SLC13A1: variants seen among roughly 807,000 people sequenced by gnomAD.
SLC13A1 encodes the protein solute carrier family 13 member 1, also known as Na(+)/sulfate cotransporter.
SLC13A1 carries 65 observed loss-of-function variants against 70.0 expected under a neutral mutation model. The observed-to-expected ratio is 0.93, with a 90% CI of 0.76 to 1.14. The LOEUF (loss-of-function observed/expected upper bound fraction) is 1.14. SLC13A1 is among the 50% of genes most tolerant of loss of function. The pLI is 0.00. For missense variants in SLC13A1, 726 were observed against 717.8 expected (o/e 1.01, Z -0.13); for synonymous variants, 275 against 250.5 (o/e 1.10, Z -0.92).
At chr7:123,149,787 C>A (rs1360981321) in intron 6 of SLC13A1, among the ~76,000 whole-genome samples, 2 of 152,172 alleles carry the variant, frequency 1.3e-5, no homozygotes, top group East Asian at 1.9e-4. Context: ...TACAGTCCTT[C>A]AACTGCACTG....
chr7:123,122,197 A>C lies in SLC13A1; in HGVS notation c.1350+929T>G, dbSNP rs1380404229. ...TTGTCAATAAAGTTAGAAGCAAAGG[A>C]GTATCTTCCAATAAGTTATCAAGAA... is the stretch of plus-strand genomic sequence containing the variant. On this transcript the variant is annotated intron_variant, in intron 12 of 14. Transcript: ENST00000194130. Among the ~76,000 whole-genome samples the C allele has an allele frequency of 2.6e-5, 4 of 152,242 alleles. No individual in the cohort carries two copies. The East Asian group carries it at 7.7e-4, about 29-fold the overall frequency.
At chr7:123,171,583 T>C (rs147641390) in intron 3 of SLC13A1, among the ~76,000 whole-genome samples, 185 bp downstream of exon 3, 2 of 151,068 alleles carry the variant, frequency 1.3e-5, no homozygotes, top group East Asian at 3.9e-4. Flanking sequence ...GTGAAAGTTG[T>C]TTTTTTTTCC....
rs147036046 is a variant in SLC13A1, at chr7:123,186,211, GA to G, written c.100-5111del. On this transcript the variant is annotated intron_variant, in intron 1 of 14. Transcript: ENST00000194130. ...AAGAAGAAGAAAAGTATAAGAGATAGAAAAAAAAACAACCATTTTCTTCTTT... is the reference window on the plus strand; with the variant it reads ...AAGAAGAAGAAAAGTATAAGAGATAGAAAAAAAACAACCATTTTCTTCTTT... Among the ~76,000 whole-genome samples, 210 of 149,674 alleles carry G rather than the reference GA, an allele frequency of 1.4e-3. 2 individuals are homozygous for G. The highest frequency in any genetic ancestry group is 4.7e-3 in the African/African-American group (192 of 40,866).
At position 123,169,129 on chromosome 7, in the gene SLC13A1, C is replaced by G; in HGVS notation, c.553+19G>C. 1 of 1,611,156 alleles carries G rather than the reference C, an allele frequency of 6.2e-7. No individual in the cohort carries two copies. The highest frequency in any genetic ancestry group is 8.5e-7 in the Non-Finnish European group (1 of 1,177,720). ...CTCTAATGACTAGACCCCAGATTGG[C>G]CATATCAACATGTGATACCATCAAT... is the stretch of plus-strand genomic sequence containing the variant. On this transcript the variant is annotated intron_variant, in intron 4 of 14. Coordinates refer to ENST00000194130, the MANE Select transcript of SLC13A1 (RefSeq NM_022444.4).
intron 12 of SLC13A1, among the ~76,000 whole-genome samples, chr7:123,121,153 T>C (rs1793367351): frequency 6.6e-6 from 1 of 152,132 alleles, no homozygotes; most frequent in South Asian, 2.1e-4. Flanking sequence ...TCAATTTTGC[T>C]ACAAAGTAAA....
Position 123,171,867 on chromosome 7 carries a change from A to C in SLC13A1, c.266T>G (p.Leu89Arg), listed in dbSNP as rs1795286205. 6.2e-7 allele frequency: 1 copy of C among 1,613,508 alleles called. No homozygotes were observed. The highest frequency in any genetic ancestry group is 8.5e-7 in the Non-Finnish European group (1 of 1,179,586). ...TGTTGCTAAACAGATAACTCCAATT[A>C]GCAGTAAGTGAAAATCCTTGAAATA... ...SAYFKDFHLL[L>R]IGVICLATSI... is the part of the protein sequence containing the mutation. Residue 89 changes from leucine to arginine, a missense_variant, in exon 3 of 15, where the codon CTA (leucine) becomes CGA (arginine). By Grantham distance (102) the Leu-to-Arg change is moderately radical. Coordinates refer to ENST00000194130, the MANE Select transcript of SLC13A1 (RefSeq NM_022444.4).
At chr7:123,183,997 C>T (rs947208408) in intron 1 of SLC13A1, among the ~76,000 whole-genome samples, 14 of 151,580 alleles carry the variant, frequency 9.2e-5, no homozygotes, top group African/African-American at 2.4e-4. Flanking sequence ...CTAGCTAAGG[C>T]ACCATATCTG....
At position 123,186,099 on chromosome 7, in the gene SLC13A1, A is replaced by G. The variant is rs1345989249; in HGVS notation, c.100-4998T>C. Among the ~76,000 whole-genome samples the G allele has an allele frequency of 3.3e-5, 5 of 152,050 alleles. No homozygotes were observed. The East Asian group carries it at 9.7e-4, about 29-fold the overall frequency. On this transcript the variant is annotated intron_variant, in intron 1 of 14. Transcript: ENST00000194130. ...AGCAGAAGGTTAATTCAAACACAAC[A>G]CCAAGTATTTTCTTTTAAAACTATC... is the stretch of plus-strand genomic sequence containing the variant.
intron 13 of SLC13A1, among the ~76,000 whole-genome samples, chr7:123,117,809 C>T (rs939312701): frequency 3.3e-5 from 5 of 151,728 alleles, no homozygotes; most frequent in African/African-American, 1.2e-4. Context: ...GTTACAGATG[C>T]CCACTTAAAC....
At chr7:123,129,279 G>C in intron 9 of SLC13A1, 104 bp downstream of exon 9, 1 of 990,586 alleles carries the variant, frequency 1.0e-6, no homozygotes. Flanking sequence ...GTGCTTGTTT[G>C]CTTTTCAACA....
chr7:123,165,418 G>A (rs1012714086), intron 6 of SLC13A1, among the ~76,000 whole-genome samples: 10 of 151,998 alleles, frequency 6.6e-5, no homozygotes, highest in Non-Finnish European at 1.3e-4. Flanking sequence ...CTATTGAAAG[G>A]TTATTCTTAC....
At chr7:123,161,705 T>C (rs1794908970) in intron 6 of SLC13A1, among the ~76,000 whole-genome samples, 1 of 152,154 alleles carries the variant, frequency 6.6e-6, no homozygotes, top group African/African-American at 2.4e-5. Flanking sequence ...AAATTGTTGC[T>C]ATATTTGGTC....
At chr7:123,131,654 G>A (rs1793765670) in intron 8 of SLC13A1, among the ~76,000 whole-genome samples, 1 of 152,162 alleles carries the variant, frequency 6.6e-6, no homozygotes, top group African/African-American at 2.4e-5. Context: ...CCAGGGGAGC[G>A]GCTGATAATT....
chr7:123,180,181 C>T (rs558101673), intron 2 of SLC13A1, among the ~76,000 whole-genome samples: 86 of 152,048 alleles, frequency 5.7e-4, no homozygotes, highest in African/African-American at 1.9e-3. Flanking sequence ...GGAAGAAGGA[C>T]GTGAAAATAA....
At chr7:123,184,065 C>G (rs1795721515) in intron 1 of SLC13A1, among the ~76,000 whole-genome samples, 2 of 152,036 alleles carry the variant, frequency 1.3e-5, no homozygotes, top group Non-Finnish European at 2.9e-5. Context: ...TTTTTCACAT[C>G]TGAAGAAAAC....
chr7:123,184,394 T>C (rs1290597509), intron 1 of SLC13A1, among the ~76,000 whole-genome samples: 1 of 152,078 alleles, frequency 6.6e-6, no homozygotes, highest in Non-Finnish European at 1.5e-5. Flanking sequence ...ATCTTTTGAC[T>C]AACATCTCTT....
intron 1 of SLC13A1, among the ~76,000 whole-genome samples, chr7:123,189,317 A>T (rs896107758): frequency 2.6e-5 from 4 of 151,974 alleles, no homozygotes; most frequent in Non-Finnish European, 5.9e-5. Flanking sequence ...ATGTTGCTAC[A>T]TATTTTCTAT....
chr7:123,115,416 C>G lies in SLC13A1; in HGVS notation c.*102G>C. On this transcript the variant is annotated 3_prime_UTR_variant, in exon 15 of 15. Transcript: ENST00000194130. ...AGGAATTGCAGCAGCTACACCATAA[C>G]TGATTTAAATGTGTGTCATTAGTTA... 1 of 1,216,948 alleles carries G rather than the reference C, an allele frequency of 8.2e-7. No individual in the cohort carries two copies. The allele number at this position is 1,216,948 out of a possible 1,614,324, so 75.4% of individuals were successfully genotyped here.
In SLC13A1 at chr7:123,171,813, C is replaced by G. The variant is rs1356194888; in HGVS notation, c.320G>C (p.Arg107Thr). 6.2e-7 allele frequency: 1 copy of G among 1,613,916 alleles called. No individual in the cohort carries two copies. The highest frequency in any genetic ancestry group is 1.7e-5 in the Admixed American group (1 of 60,012). Residue 107 changes from arginine to threonine, a missense_variant, in exon 3 of 15, where the codon AGA (arginine) becomes ACA (threonine). Arg to Thr is a moderately conservative substitution (Grantham distance 71, BLOSUM62 -1). Transcript: ENST00000194130. ...TSIEKWNLHK[R>T]IALKMVMMVG... ...CATCATCACCATTTTCAGAGCAATTCTCTTGTGCAAATTCCATTTTTCTAT... is the reference window on the plus strand; with the variant it reads ...CATCATCACCATTTTCAGAGCAATTGTCTTGTGCAAATTCCATTTTTCTAT...
Sources: gnomAD v4.1 joint callset for allele counts (sites outside exome capture counted in the v4.1 genomes callset) on GRCh38, gnomAD v4.1.1 for gene constraint, MANE v1.5 for transcripts, NCBI Gene and HGNC (gene_info 2026-07-23, HGNC 2026-07-21) for gene names.